Variants in NLRP13 observed in about 807,000 individuals in gnomAD.
NLRP13 encodes NLR family pyrin domain containing 13, also known as NACHT, LRR and PYD domains-containing protein 13.
A neutral mutation model predicts 94.4 loss-of-function variants in NLRP13; 82 were observed. The ratio of observed to expected loss-of-function variants is 0.87; its 90% confidence interval spans 0.73 to 1.04. The LOEUF (loss-of-function observed/expected upper bound fraction) is 1.04. NLRP13 is among the 50% of genes least tolerant of loss of function. The pLI, the probability that NLRP13 is intolerant of heterozygous loss-of-function variation, is 0.00. For synonymous variants in NLRP13, 553 were observed against 464.7 expected (o/e 1.19, Z -2.45); for missense variants, 1,426 against 1,230.8 (o/e 1.16, Z -2.37).
intron 1 of NLRP13, among the ~76,000 whole-genome samples, chr19:55,926,924 T>C (rs970725289): frequency 6.6e-6 from 1 of 151,874 alleles, no homozygotes; most frequent in African/African-American, 2.4e-5. Context: ...AGCAATTCAA[T>C]AGATAAAGAG....
chr19:55,895,856 G>A, downstream of NLRP13: 7 of 1,430,378 alleles, frequency 4.9e-6, no homozygotes, highest in Non-Finnish European at 4.8e-6. Context: ...AGGAAGCCGA[G>A]TGCAATGGAA....
chr19:55,913,723 G>A (rs909524780), intron 4 of NLRP13, among the ~76,000 whole-genome samples: 1 of 151,970 alleles, frequency 6.6e-6, no homozygotes, highest in Non-Finnish European at 1.5e-5. Context: ...CACTGAGAAT[G>A]GAGAAGAATC....
chr19:55,929,155 G>T (rs1278261224), intron 1 of NLRP13, among the ~76,000 whole-genome samples: 1 of 152,170 alleles, frequency 6.6e-6, no homozygotes, highest in African/African-American at 2.4e-5. Context: ...GGAGAAATAG[G>T]AACACTTTTA....
intron 9 of NLRP13, among the ~76,000 whole-genome samples, chr19:55,900,052 G>A (rs302829): frequency 0.59 from 88,909 of 150,476 alleles, 26,610 homozygotes; most frequent in Middle Eastern, 0.7. Flanking sequence ...TTCAAATATT[G>A]TCACCACAAA....
intron 4 of NLRP13, among the ~76,000 whole-genome samples, chr19:55,916,179 C>T (rs1986669203): frequency 6.6e-6 from 1 of 152,102 alleles, no homozygotes; most frequent in African/African-American, 2.4e-5. Flanking sequence ...CCAAATGACC[C>T]TACTAAACAC....
At chr19:55,921,777 G>A (rs1352330076) in intron 4 of NLRP13, among the ~76,000 whole-genome samples, 3 of 152,118 alleles carry the variant, frequency 2.0e-5, no homozygotes, top group African/African-American at 7.2e-5. Context: ...CATAGCAGGT[G>A]GCAATGAGGC....
intron 4 of NLRP13, among the ~76,000 whole-genome samples, chr19:55,922,916 A>C (rs76322827): frequency 0.03 from 4,529 of 152,296 alleles, 229 homozygotes; most frequent in African/African-American, 0.099. Context: ...AAGTAGCCCC[A>C]AAGAGTAGTG....
Position 55,932,190 on chromosome 19 carries a change from A to T in NLRP13, c.122T>A (p.Leu41Gln), listed in dbSNP as rs1987167495. 1 of 1,613,966 alleles carries T rather than the reference A, an allele frequency of 6.2e-7. No individual in the cohort carries two copies. The highest frequency in any genetic ancestry group is 1.1e-5 in the South Asian group (1 of 91,078). ...CTGGGGGGCCGACCAGAAGTCCATC[A>T]GCTGCTGGGGTTCCAAGCAAAGCTT... ...EFKLCLEPQQ[L>Q]MDFWSAPQGH... Residue 41 changes from leucine (L) to glutamine (Q), a missense_variant, in exon 1 of 11, where the codon CTG becomes CAG. Transcript: ENST00000342929.
chr19:55,931,723 AAAG>A (rs199747168), intron 1 of NLRP13, among the ~76,000 whole-genome samples: 3,562 of 103,878 alleles, frequency 0.034, 214 homozygotes, highest in East Asian at 0.32. Context: ...AAAAAAAAAA[AAAG>A]AAAGAAAGAA....
rs303997 is a variant in NLRP13 at position 55,913,077 on chromosome 19, T to C, written c.740A>G (p.Gln247Arg). 0.61 allele frequency: 983,237 copies of C among 1,613,786 alleles called. 301,582 individuals are homozygous for C. Among genetic ancestry groups the C allele is most frequent in the African/African-American group, 0.73 (54,435 of 74,940 alleles). The change falls in exon 5 of 11, where the codon CAG becomes CGG. Residue 247 changes from glutamine to arginine, a missense_variant. Gln to Arg is a conservative substitution (Grantham distance 43, BLOSUM62 1). Coordinates refer to ENST00000342929, the MANE Select transcript of NLRP13 (RefSeq NM_176810.2). ...AGVGKTTLAM[Q>R]AMLHWANGVL... ...TCCATTTGCCCAGTGCAGCATAGCCTGCATTGCCAAGGTGGTCTTCCCAAC... is the reference window on the plus strand; with the variant it reads ...TCCATTTGCCCAGTGCAGCATAGCCCGCATTGCCAAGGTGGTCTTCCCAAC...
intron 6 of NLRP13, 124 bp from the exon 7 acceptor site, chr19:55,908,080 A>AT: frequency 1.2e-6 from 1 of 823,096 alleles, no homozygotes; most frequent in Non-Finnish European, 1.9e-6. Flanking sequence ...TACACAAGGA[A>AT]TTAAAAACAA....
chr19:55,916,895 G>A (rs1986689230), intron 4 of NLRP13, among the ~76,000 whole-genome samples: 1 of 152,006 alleles, frequency 6.6e-6, no homozygotes, highest in African/African-American at 2.4e-5. Context: ...TGCAAGAAGG[G>A]CCTCACTATG....
chr19:55,922,602 C>T (rs550827760), intron 4 of NLRP13, among the ~76,000 whole-genome samples: 7 of 152,254 alleles, frequency 4.6e-5, no homozygotes, highest in South Asian at 2.1e-4. Context: ...CTGGGATTAC[C>T]GGCGTGAGCC....
intron 4 of NLRP13, among the ~76,000 whole-genome samples, chr19:55,914,097 A>G (rs910265085): frequency 1.3e-5 from 2 of 152,162 alleles, no homozygotes; most frequent in Admixed American, 6.5e-5. Context: ...CTTAGACTCT[A>G]GGTTGCCCTG....
At chr19:55,895,198 T>TCAAA (rs1555812876), downstream of NLRP13, among the ~76,000 whole-genome samples, 1 of 140,410 alleles carries the variant, frequency 7.1e-6, no homozygotes, top group Admixed American at 7.2e-5. Flanking sequence ...AAAAGTATGT[T>TCAAA]AAAAAAAAAA....
intron 4 of NLRP13, among the ~76,000 whole-genome samples, chr19:55,915,853 A>C (rs1408314064): frequency 6.6e-6 from 1 of 152,150 alleles, no homozygotes; most frequent in Non-Finnish European, 1.5e-5. Context: ...GATGCACAAG[A>C]AAGTTTCTCC....
rs773652459 is a variant in NLRP13, at chr19:55,912,723, G to T, written c.1094C>A (p.Thr365Asn). 4.0e-5 allele frequency: 64 copies of T among 1,614,000 alleles called. No individual in the cohort carries two copies. The highest frequency in any genetic ancestry group is 2.3e-4 in the Admixed American group (14 of 59,990). The change falls in exon 5 of 11, where the codon ACC becomes AAC. Residue 365 changes from threonine (T) to asparagine (N), a missense_variant. Physicochemically the swap from Thr to Asn is moderately conservative, Grantham distance 65 (BLOSUM62 0). Transcript: ENST00000342929. ...GGCCTTAAGATCTCTCACAAACCAGGTCTTGATCGTGATCAGTAAGGTAGC... is the reference window on the plus strand; with the variant it reads ...GGCCTTAAGATCTCTCACAAACCAGTTCTTGATCGTGATCAGTAAGGTAGC... ...PLATLLITIK[T>N]WFVRDLKASL...
intron 2 of NLRP13, 71 bp downstream of exon 2, chr19:55,924,896 C>A: frequency 7.9e-7 from 1 of 1,271,812 alleles, no homozygotes; most frequent in Non-Finnish European, 1.1e-6. Context: ...GAGTAGGCAG[C>A]GGATGTGGAC....
At chr19:55,919,206 C>G (rs1194274624) in intron 4 of NLRP13, among the ~76,000 whole-genome samples, 2 of 151,936 alleles carry the variant, frequency 1.3e-5, no homozygotes, top group Admixed American at 6.6e-5. Flanking sequence ...AACTAAGCTT[C>G]AAAGGAACAT....
Sources: allele counts gnomAD v4.1 joint callset (sites outside exome capture counted in the v4.1 genomes callset), GRCh38; gene constraint gnomAD v4.1.1; transcripts MANE v1.5; gene names NCBI Gene and HGNC (gene_info 2026-07-23, HGNC 2026-07-21).